Variants in GPR139 observed in about 807,000 individuals in gnomAD.
The protein encoded by GPR139 is probable G protein-coupled receptor 139.
A neutral mutation model predicts 25.8 loss-of-function variants in GPR139; 12 were observed. The ratio of observed to expected loss-of-function variants is 0.47; its 90% CI spans 0.30 to 0.75. The LOEUF (loss-of-function observed/expected upper bound fraction) is 0.75. Among genes scored for constraint, GPR139 ranks in the 30% least tolerant of loss-of-function variants. GPR139 has a pLI of 0.07. For synonymous variants in GPR139, 184 were observed against 179.9 expected (o/e 1.02, Z -0.18); for missense variants, 380 against 450.2 (o/e 0.84, Z 1.41).
At position 20,031,416 on chromosome 16, in the gene GPR139, G is replaced by A. The variant is rs192805827; in HGVS notation, c.*319C>T. On this transcript the variant is annotated 3_prime_UTR_variant, in exon 2 of 2. Coordinates refer to ENST00000570682, the MANE Select transcript of GPR139 (RefSeq NM_001002911.4). ...CAGTGACTGTGGATGGTACCAGGGC[G>A]AAATCACAGACTACTTCTCTACTTT... The A allele has an allele frequency of 4.6e-4, 154 of 335,212 alleles. No individual in the cohort carries two copies. Among genetic ancestry groups the A allele is most frequent in the African/African-American group, 3.1e-3 (151 of 48,006 alleles). The allele number at this position is 335,212 out of a possible 1,614,324, so 20.8% of individuals were successfully genotyped here. A position where few individuals can be genotyped will look rare whatever the true frequency, so the allele number is the denominator to read the frequency against.
intron 1 of GPR139, among the ~76,000 whole-genome samples, chr16:20,046,948 G>C (rs1339601038): frequency 6.6e-6 from 1 of 152,082 alleles, no homozygotes; most frequent in Non-Finnish European, 1.5e-5. Context: ...GTGCAAGCCT[G>C]TATTCTCAGC....
chr16:20,050,127 T>G (rs1017419615), intron 1 of GPR139, among the ~76,000 whole-genome samples: 3 of 152,124 alleles, frequency 2.0e-5, no homozygotes, highest in African/African-American at 7.2e-5. Flanking sequence ...CATGAAGGAA[T>G]AAGACAGTAA....
intron 1 of GPR139, among the ~76,000 whole-genome samples, chr16:20,041,261 A>G (rs8062712): frequency 0.032 from 153 of 4,814 alleles, 70 homozygotes; most frequent in Non-Finnish European, 0.15. Context: ...GGAAGGAGAA[A>G]AGAAAAGCAT....
In GPR139 at chr16:20,028,302, A is replaced by G. The variant is rs2057275405; in HGVS notation, c.*3433T>C. 6.6e-6 allele frequency among the ~76,000 whole-genome samples: 1 copy of G among 152,242 alleles called. No individual in the cohort carries two copies. The highest frequency in any genetic ancestry group is 1.5e-5 in the Non-Finnish European group (1 of 68,038). ...TACATATATCAAAACATCACATTGT[A>G]TCCCATAAATGTATACAATTATGAT... On this transcript the variant is annotated 3_prime_UTR_variant, in exon 2 of 2. Coordinates refer to ENST00000570682, the MANE Select transcript of GPR139 (RefSeq NM_001002911.4).
chr16:20,056,159 T>C (rs2057387904), intron 1 of GPR139, among the ~76,000 whole-genome samples: 1 of 152,232 alleles, frequency 6.6e-6, no homozygotes, highest in Non-Finnish European at 1.5e-5. Flanking sequence ...TATGCCATCA[T>C]GCTGTCAACC....
intron 1 of GPR139, among the ~76,000 whole-genome samples, chr16:20,060,516 G>C (rs1164025237): frequency 6.6e-6 from 1 of 152,138 alleles, no homozygotes; most frequent in Non-Finnish European, 1.5e-5. Context: ...CAGTTGAAAT[G>C]ATGAGGCTGA....
chr16:20,050,224 T>C (rs1259716356), intron 1 of GPR139, among the ~76,000 whole-genome samples: 1 of 152,126 alleles, frequency 6.6e-6, no homozygotes, highest in Non-Finnish European at 1.5e-5. Context: ...TGTGCAGTGA[T>C]GGGAGCGGGC....
chr16:20,041,839 G>A (rs969007023), intron 1 of GPR139, among the ~76,000 whole-genome samples: 2 of 152,218 alleles, frequency 1.3e-5, no homozygotes, highest in East Asian at 1.9e-4. Flanking sequence ...GTAGAGGCAC[G>A]AAGCTGGTTG....
At chr16:20,060,352 C>T (rs1459756194) in intron 1 of GPR139, among the ~76,000 whole-genome samples, 1 of 151,438 alleles carries the variant, frequency 6.6e-6, no homozygotes, top group Non-Finnish European at 1.5e-5. Flanking sequence ...GTGTGCATCT[C>T]TATGTGTGCA....
At chr16:20,065,977 A>T (rs1187191290) in intron 1 of GPR139, among the ~76,000 whole-genome samples, 5 of 152,116 alleles carry the variant, frequency 3.3e-5, no homozygotes, top group Admixed American at 2.6e-4. Context: ...GCAATTATTA[A>T]GAGAAATAGT....
At chr16:20,044,607 C>T (rs2057347491) in intron 1 of GPR139, among the ~76,000 whole-genome samples, 1 of 152,162 alleles carries the variant, frequency 6.6e-6, no homozygotes, top group South Asian at 2.1e-4. Context: ...CTACTGTTCC[C>T]TCAGAGCAGC....
chr16:20,070,453 A>G (rs1344158360), intron 1 of GPR139, among the ~76,000 whole-genome samples: 1 of 152,208 alleles, frequency 6.6e-6, no homozygotes, highest in Non-Finnish European at 1.5e-5. Flanking sequence ...AGAGAGGTGA[A>G]GAGTTCTTAA....
intron 1 of GPR139, among the ~76,000 whole-genome samples, chr16:20,071,935 T>G (rs897147362): frequency 2.0e-5 from 3 of 152,098 alleles, no homozygotes; most frequent in Non-Finnish European, 4.4e-5. Context: ...GGGGGGACAT[T>G]CTGATGGGAA....
At chr16:20,040,207 G>C (rs2057325121) in intron 1 of GPR139, among the ~76,000 whole-genome samples, 1 of 152,174 alleles carries the variant, frequency 6.6e-6, no homozygotes, top group Admixed American at 6.5e-5. Flanking sequence ...AAATGCATGA[G>C]AGACCAGAAG....
Position 20,028,345 on chromosome 16 carries a change from TAGTAATAAAAATCAGCATACTGC to T in GPR139, c.*3367_*3389del, listed in dbSNP as rs1418437255. On this transcript the variant is annotated 3_prime_UTR_variant, in exon 2 of 2. Coordinates refer to ENST00000570682, the MANE Select transcript of GPR139 (RefSeq NM_001002911.4). ...ATTATGATTTATCAATTAAAAATAA[TAGTAATAAAAATCAGCATACTGC>T]AATTGCTTGAACATAGATGCAAATA... Among the ~76,000 whole-genome samples, 5 of 152,180 alleles carry T rather than the reference TAGTAATAAAAATCAGCATACTGC, an allele frequency of 3.3e-5. No individual in the cohort carries two copies. Among genetic ancestry groups the T allele is most frequent in the African/African-American group, 1.2e-4 (5 of 41,440 alleles).
chr16:20,034,571 C>T (rs1021906935), intron 1 of GPR139, among the ~76,000 whole-genome samples: 1 of 152,092 alleles, frequency 6.6e-6, no homozygotes, highest in African/African-American at 2.4e-5. Context: ...CTATGTTGCC[C>T]AGGCTGGAGT....
rs1007472798 is a variant in GPR139, at chr16:20,029,836, T to C, written c.*1899A>G. On this transcript the variant is annotated 3_prime_UTR_variant, in exon 2 of 2. Coordinates refer to ENST00000570682, the MANE Select transcript of GPR139 (RefSeq NM_001002911.4). Reference sequence around the variant, plus strand: ...ATGGTCCCTAAATGAGAGCCAATTCTGTCTTGTCATCAACCAGAGAAACAG... The same window carrying C: ...ATGGTCCCTAAATGAGAGCCAATTCCGTCTTGTCATCAACCAGAGAAACAG... Among the ~76,000 whole-genome samples, 2 of 152,220 alleles carry C rather than the reference T, an allele frequency of 1.3e-5. No individual in the cohort carries two copies. The highest frequency in any genetic ancestry group is 2.9e-5 in the Non-Finnish European group (2 of 68,038).
At chr16:20,066,490 T>C (rs1030361839) in intron 1 of GPR139, among the ~76,000 whole-genome samples, 5 of 152,236 alleles carry the variant, frequency 3.3e-5, no homozygotes, top group Non-Finnish European at 7.3e-5. Context: ...CATTCTCTTG[T>C]AGTTTGCCAG....
At chr16:20,061,680 T>C (rs2141213241) in intron 1 of GPR139, among the ~76,000 whole-genome samples, 1 of 152,310 alleles carries the variant, frequency 6.6e-6, no homozygotes, top group South Asian at 2.1e-4. Context: ...AAAACAAAGA[T>C]CCTGGGTCAC....
Sources: allele counts gnomAD v4.1 joint callset (sites outside exome capture counted in the v4.1 genomes callset), GRCh38; gene constraint gnomAD v4.1.1; transcripts MANE v1.5; gene names NCBI Gene and HGNC (gene_info 2026-07-23, HGNC 2026-07-21).